CIT: variants seen among roughly 807,000 people sequenced by gnomAD.
CIT encodes the protein citron rho-interacting serine/threonine kinase, also known as citron Rho-interacting kinase.
A neutral mutation model predicts 272.7 loss-of-function variants in CIT; 79 were observed. That is an observed-to-expected ratio of 0.29 (90% CI 0.24 to 0.35). The LOEUF (loss-of-function observed/expected upper bound fraction) is 0.35. CIT is among the 10% of genes least tolerant of loss of function. CIT has a pLI of 1.00. For missense variants in CIT, 1,909 were observed against 2,618.3 expected, an observed-to-expected ratio of 0.73 and a Z score of 5.91; for synonymous variants, 948 against 995.6, an observed-to-expected ratio of 0.95 and a Z score of 0.90.
At chr12:119,834,773 T>C (rs1436087149) in intron 5 of CIT, among the ~76,000 whole-genome samples, 2 of 152,210 alleles carry the variant, frequency 1.3e-5, no homozygotes, top group African/African-American at 4.8e-5. Flanking sequence ...GTACTTACAA[T>C]AGTTTGCAGA....
chr12:119,850,374 TTA>T, intron 4 of CIT, 99 bp from the exon 5 acceptor site: 1 of 302,756 alleles, frequency 3.3e-6, no homozygotes, highest in Non-Finnish European at 5.0e-6. Flanking sequence ...GTTTCTAGCT[TTA>T]AAAAAAAAAA....
chr12:119,805,657 A>G (rs561410405), intron 9 of CIT, among the ~76,000 whole-genome samples: 41 of 152,270 alleles, frequency 2.7e-4, no homozygotes, highest in Non-Finnish European at 5.4e-4. Context: ...AGACCAAAAT[A>G]GAATTCCATT....
At position 119,712,445 on chromosome 12, in the gene CIT, C is replaced by A. The variant is rs1208110085; in HGVS notation, c.4685-98G>T. On this transcript the variant is annotated intron_variant, in intron 36 of 47. Coordinates refer to ENST00000392521, the MANE Select transcript of CIT (RefSeq NM_001206999.2). The surrounding 1 kb of genome is among the most constrained non-coding windows in gnomAD (Gnocchi z 5.2). ...GATCAAAGATGCCCACCAAACCACG[C>A]AAATCCCAGTTACCGCCAAGGCGGG... 9.0e-6 allele frequency: 13 copies of A among 1,446,716 alleles called. No individual in the cohort carries two copies. The East Asian group carries it at 2.1e-4, about 23-fold the overall frequency. The allele number at this position is 1,446,716 out of a possible 1,614,324, so 89.6% of individuals were successfully genotyped here.
At chr12:119,862,808 T>TAAAAAAAAA (rs1157467178) in intron 3 of CIT, among the ~76,000 whole-genome samples, 150 of 10,238 alleles carry the variant, frequency 0.015, 14 homozygotes, top group East Asian at 0.029. Context: ...AGACTCTACC[T>TAAAAAAAAA]AAAAAAAAAA....
chr12:119,789,089 T>G (rs1965071133), intron 10 of CIT, among the ~76,000 whole-genome samples: 1 of 152,260 alleles, frequency 6.6e-6, no homozygotes, highest in East Asian at 1.9e-4. Context: ...GGAGACCTTT[T>G]AAAAAACACC....
At chr12:119,839,239 G>GCA (rs780456144) in intron 5 of CIT, among the ~76,000 whole-genome samples, 7 of 152,166 alleles carry the variant, frequency 4.6e-5, no homozygotes, top group Admixed American at 2.6e-4. Flanking sequence ...GTGCACACGT[G>GCA]CACACACACA....
In CIT at chr12:119,767,152, C is replaced by G; in HGVS notation, c.2239G>C (p.Val747Leu). ...TGCACTTCTAGGTGCTGGGCTGAGACTTGGGCCTCCCGATGTTTCTCTTCG... is the reference window on the plus strand; with the variant it reads ...TGCACTTCTAGGTGCTGGGCTGAGAGTTGGGCCTCCCGATGTTTCTCTTCG... The part of the protein sequence containing the change: ...ELEEKHREAQ[V>L]SAQHLEVHLK... The change falls in exon 19 of 48, where the codon GTC (valine) becomes CTC (leucine). Residue 747 changes from valine to leucine, a missense_variant. Physicochemically the swap from Val to Leu is conservative, Grantham distance 32. Transcript: ENST00000392521. 1 of 1,610,558 alleles carries G rather than the reference C, an allele frequency of 6.2e-7. No homozygotes were observed. Among genetic ancestry groups the G allele is most frequent in the Non-Finnish European group, 8.5e-7 (1 of 1,178,332 alleles).
intron 23 of CIT, among the ~76,000 whole-genome samples, chr12:119,747,297 T>G (rs531445913): frequency 1.3e-5 from 2 of 151,992 alleles, no homozygotes; most frequent in South Asian, 4.2e-4. Flanking sequence ...GGCGCATGCC[T>G]GTAATCCCAG....
At chr12:119,761,741 AG>A (rs1400329882) in intron 19 of CIT, among the ~76,000 whole-genome samples, 1 of 152,220 alleles carries the variant, frequency 6.6e-6, no homozygotes, top group Non-Finnish European at 1.5e-5. Flanking sequence ...CACTGGGAAA[AG>A]AAACCTTTCC....
chr12:119,856,485 C>G (rs1460032432), intron 4 of CIT, among the ~76,000 whole-genome samples: 1 of 151,932 alleles, frequency 6.6e-6, no homozygotes, highest in Admixed American at 6.6e-5. Flanking sequence ...CCCATTTCCC[C>G]CTCCCCACCC....
intron 9 of CIT, among the ~76,000 whole-genome samples, chr12:119,818,436 G>T (rs1593855480): frequency 6.6e-6 from 1 of 152,134 alleles, no homozygotes; most frequent in African/African-American, 2.4e-5. Flanking sequence ...CTTCCCTCAG[G>T]ATTATTGAGC....
chr12:119,788,724 T>C (rs940270171), intron 10 of CIT, among the ~76,000 whole-genome samples: 3 of 151,964 alleles, frequency 2.0e-5, no homozygotes, highest in Non-Finnish European at 4.4e-5. Context: ...AGCGAGGAGA[T>C]GTGCAGCCCC....
rs1252119126 is a variant in CIT, at chr12:119,784,050, A to G, written c.1403T>C (p.Met468Thr). The change falls in exon 12 of 48, where the codon ATG becomes ACG. Residue 468 changes from methionine to threonine, a missense_variant and splice_region_variant. Around this residue, in one of 8 missense-constraint regions of CIT, gnomAD observed 26 missense variants for 44.1 expected, o/e 0.59. Transcript: ENST00000392521. This position sits in a 1 kb window ranked among gnomAD's most constrained non-coding sequence, Gnocchi z 4.7. ...LQDSQDKCHK[M>T]EQEMTRLHRR... is the part of the protein sequence containing the mutation. ...ATGTAACCGGGTCATTTCCTGCTCC[A>G]TCTGAAATAAACACATCGACAGGTT... 6.2e-7 allele frequency: 1 copy of G among 1,612,210 alleles called. No individual in the cohort carries two copies. Among genetic ancestry groups the G allele is most frequent in the Non-Finnish European group, 8.5e-7 (1 of 1,179,086 alleles).
Position 119,857,537 on chromosome 12 carries a change from A to G in CIT, c.400T>C (p.Leu134=), listed in dbSNP as rs148726616. The change falls in exon 4 of 48, where the codon TTG becomes CTG. Residue 134 remains leucine (L), a synonymous_variant. Coordinates refer to ENST00000392521, the MANE Select transcript of CIT (RefSeq NM_001206999.2). The stretch of plus-strand genomic sequence containing the variant: ...AATCCTCCTACCTGCTCCTGGGCCA[A>G]TAAAGCCTTCTTCTTCATCACTTTC... ...AMKVMKKKAL[L]AQEQVSFFEE... is the part of the protein sequence containing the mutation. 1 of 1,614,056 alleles carries G rather than the reference A, an allele frequency of 6.2e-7. No individual in the cohort carries two copies. The highest frequency in any genetic ancestry group is 1.3e-5 in the African/African-American group (1 of 74,944).
At chr12:119,704,726 C>T (rs897421300) in intron 40 of CIT, among the ~76,000 whole-genome samples, 8 of 152,156 alleles carry the variant, frequency 5.3e-5, no homozygotes, top group Admixed American at 1.3e-4. Flanking sequence ...TACCCCTGGT[C>T]GAGAACCAAG....
chr12:119,784,354 T>G lies in CIT; in HGVS notation c.1402-303A>C, dbSNP rs1964572723. On this transcript the variant is annotated intron_variant, in intron 11 of 47. Coordinates refer to ENST00000392521, the MANE Select transcript of CIT (RefSeq NM_001206999.2). The surrounding 1 kb of genome is among the most constrained non-coding windows in gnomAD (Gnocchi z 4.7). ...TCACCTGTTTGCTTTTGTTTTTGTT[T>G]TGTTTTTGCAGACGTCACTTTAATT... is the stretch of plus-strand genomic sequence containing the variant. 7.5e-7 allele frequency: 1 copy of G among 1,329,078 alleles called. No individual in the cohort carries two copies. Among genetic ancestry groups the G allele is most frequent in the Non-Finnish European group, 9.8e-7 (1 of 1,022,426 alleles). The allele number at this position is 1,329,078 out of a possible 1,614,324, so 82.3% of individuals were successfully genotyped here.
At chr12:119,812,456 T>A (rs1489841903) in intron 9 of CIT, among the ~76,000 whole-genome samples, 2 of 152,040 alleles carry the variant, frequency 1.3e-5, no homozygotes, top group Admixed American at 6.6e-5. Flanking sequence ...TTTTTTTTTT[T>A]AGAGACAGTG....
At chr12:119,732,810 A>AGGAAG (rs1297723857) in intron 26 of CIT, among the ~76,000 whole-genome samples, 1 of 152,204 alleles carries the variant, frequency 6.6e-6, no homozygotes, top group African/African-American at 2.4e-5. Context: ...AGAGAATCAC[A>AGGAAG]GGAAGGTAAG....
intron 5 of CIT, among the ~76,000 whole-genome samples, chr12:119,839,676 A>T (rs1027006840): frequency 1.4e-4 from 21 of 152,216 alleles, no homozygotes; most frequent in Non-Finnish European, 2.4e-4. Context: ...AAAAATCCTC[A>T]TTGAGTACTG....
Sources: gnomAD v4.1 joint callset for allele counts (sites outside exome capture counted in the v4.1 genomes callset) on GRCh38, gnomAD v4.1.1 for gene constraint, gnomAD v4.1.1 regional missense constraint, Gnocchi (gnomAD v3.1) non-coding constraint, MANE v1.5 for transcripts, NCBI Gene and HGNC (gene_info 2026-07-23, HGNC 2026-07-21) for gene names.